Variants in ZCCHC7 observed in about 807,000 individuals in gnomAD.
ZCCHC7 encodes zinc finger CCHC domain-containing protein 7.
In ZCCHC7, 35 loss-of-function variants were observed where a neutral mutation model predicts 52.0. The observed-to-expected ratio is 0.67, with a 90% confidence interval of 0.51 to 0.89. The LOEUF is 0.89. Among genes scored for constraint, ZCCHC7 ranks in the 40% least tolerant of loss-of-function variants. ZCCHC7 has a pLI of 0.00. For missense variants in ZCCHC7, 574 were observed against 649.1 expected (o/e 0.88, Z 1.26); for synonymous variants, 217 against 221.5 (o/e 0.98, Z 0.18).
chr9:37,290,583 G>C (rs1828488081), intron 2 of ZCCHC7, among the ~76,000 whole-genome samples: 1 of 152,142 alleles, frequency 6.6e-6, no homozygotes, highest in African/African-American at 2.4e-5. Context: ...TTGCACCCGG[G>C]AGGCGGATGG....
At chr9:37,172,431 T>C (rs145343204) in intron 2 of ZCCHC7, among the ~76,000 whole-genome samples, 50 of 152,350 alleles carry the variant, frequency 3.3e-4, no homozygotes, top group African/African-American at 1.2e-3. Flanking sequence ...TACGCATTAA[T>C]AGAAGGGAAT....
intron 2 of ZCCHC7, among the ~76,000 whole-genome samples, chr9:37,254,550 G>A (rs1262190682): frequency 1.4e-4 from 21 of 151,982 alleles, no homozygotes; most frequent in South Asian, 2.1e-4. Context: ...AAAAAAAGGC[G>A]TCAGAAGGTT....
chr9:37,246,653 T>C (rs1430485138), intron 2 of ZCCHC7, among the ~76,000 whole-genome samples: 3 of 152,122 alleles, frequency 2.0e-5, no homozygotes, highest in Non-Finnish European at 4.4e-5. Flanking sequence ...ATATTAAAAG[T>C]TGTACGTATT....
intron 2 of ZCCHC7, among the ~76,000 whole-genome samples, chr9:37,257,130 G>A (rs1826629027): frequency 6.6e-6 from 1 of 152,196 alleles, no homozygotes; most frequent in Non-Finnish European, 1.5e-5. Context: ...AAAGGACTTT[G>A]AATCTGTAGC....
intron 2 of ZCCHC7, among the ~76,000 whole-genome samples, chr9:37,272,827 T>C (rs865853360): frequency 2.0e-5 from 3 of 152,254 alleles, no homozygotes; most frequent in Non-Finnish European, 2.9e-5. Flanking sequence ...TCCTTTATAC[T>C]GATATGTGTA....
intron 2 of ZCCHC7, among the ~76,000 whole-genome samples, chr9:37,278,205 G>A (rs746355228): frequency 6.6e-6 from 1 of 152,026 alleles, no homozygotes; most frequent in Admixed American, 6.6e-5. Context: ...GACTGTAGGT[G>A]GGTGCCAACA....
chr9:37,216,943 TATTC>T (rs1326184010), intron 2 of ZCCHC7, among the ~76,000 whole-genome samples: 1 of 152,018 alleles, frequency 6.6e-6, no homozygotes, highest in South Asian at 2.1e-4. Context: ...TGAAATAAGA[TATTC>T]ATATTTACTC....
chr9:37,306,348 C>T (rs189607224), intron 5 of ZCCHC7, among the ~76,000 whole-genome samples: 158 of 152,042 alleles, frequency 1.0e-3, no homozygotes, highest in African/African-American at 3.6e-3. Flanking sequence ...GGATTGCAGG[C>T]GTGAGCCACT....
chr9:37,228,765 A>G (rs998686584), intron 2 of ZCCHC7, among the ~76,000 whole-genome samples: 1 of 151,958 alleles, frequency 6.6e-6, no homozygotes, highest in Non-Finnish European at 1.5e-5. Flanking sequence ...ATATTCATAT[A>G]AGAAAATATA....
intron 2 of ZCCHC7, chr9:37,205,142 G>A: frequency 6.8e-6 from 2 of 295,470 alleles, no homozygotes; most frequent in Admixed American, 3.8e-5. Context: ...CAGTATGCAG[G>A]TTAATTCTCT....
chr9:37,321,834 T>G (rs1830066160), intron 5 of ZCCHC7, among the ~76,000 whole-genome samples: 1 of 152,084 alleles, frequency 6.6e-6, no homozygotes, highest in South Asian at 2.1e-4. Context: ...CTCTTTTGAG[T>G]CTAGTTTAAA....
intron 7 of ZCCHC7, among the ~76,000 whole-genome samples, chr9:37,350,113 G>C (rs552366188): frequency 4.1e-5 from 6 of 147,224 alleles, no homozygotes; most frequent in Non-Finnish European, 8.9e-5. Context: ...TTGTGTTTTG[G>C]GGTTTGTTTT....
intron 2 of ZCCHC7, among the ~76,000 whole-genome samples, chr9:37,247,825 C>G (rs995712150): frequency 2.0e-5 from 3 of 151,930 alleles, no homozygotes; most frequent in African/African-American, 7.3e-5. Flanking sequence ...CTGCTAAGCC[C>G]GGGAAGTCAA....
chr9:37,291,192 T>C (rs536130557), intron 2 of ZCCHC7, among the ~76,000 whole-genome samples: 2 of 152,348 alleles, frequency 1.3e-5, no homozygotes, highest in South Asian at 4.1e-4. Flanking sequence ...TTCACAATTT[T>C]TAGATGAATC....
intron 2 of ZCCHC7, among the ~76,000 whole-genome samples, chr9:37,238,963 G>GT (rs564253243): frequency 5.9e-5 from 9 of 152,098 alleles, no homozygotes; most frequent in African/African-American, 1.4e-4. Flanking sequence ...CATGTTGATT[G>GT]TTTCTGCCAT....
At chr9:37,143,504 G>A (rs533916324) in intron 2 of ZCCHC7, among the ~76,000 whole-genome samples, 1 of 151,122 alleles carries the variant, frequency 6.6e-6, no homozygotes, top group East Asian at 1.9e-4. Flanking sequence ...TAGATAGTTC[G>A]TAGTTCCTGA....
At chr9:37,264,397 C>G (rs1564210900) in intron 2 of ZCCHC7, among the ~76,000 whole-genome samples, 1 of 152,130 alleles carries the variant, frequency 6.6e-6, no homozygotes, top group Non-Finnish European at 1.5e-5. Context: ...TTTTTCTTCT[C>G]ATAATCAACC....
At chr9:37,174,521 A>G (rs981364266) in intron 2 of ZCCHC7, among the ~76,000 whole-genome samples, 1 of 152,218 alleles carries the variant, frequency 6.6e-6, no homozygotes, top group African/African-American at 2.4e-5. Flanking sequence ...CATTAAGTAG[A>G]AAAGCAGAAT....
At chr9:37,326,802 A>T (rs546030643) in intron 5 of ZCCHC7, 1 of 152,224 alleles carries the variant, frequency 6.6e-6, no homozygotes, top group South Asian at 2.1e-4. Flanking sequence ...ATCAAAAATT[A>T]CAAAGATTTC....
Sources: gnomAD v4.1 joint callset for allele counts (sites outside exome capture counted in the v4.1 genomes callset) on GRCh38, gnomAD v4.1.1 for gene constraint, MANE v1.5 for transcripts, NCBI Gene and HGNC (gene_info 2026-07-23, HGNC 2026-07-21) for gene names.